FRMD4B: variants seen among roughly 807,000 people sequenced by gnomAD.
FRMD4B encodes FERM domain containing 4B.
FRMD4B carries 74 observed loss-of-function variants against 141.5 expected under a neutral mutation model. The observed-to-expected ratio is 0.52, with a 90% CI of 0.43 to 0.63. FRMD4B has a LOEUF of 0.63. Ranked by LOEUF, FRMD4B falls within the 30% of genes least tolerant of loss-of-function variation. The pLI is 0.00. For missense variants in FRMD4B, 1,366 were observed against 1,253.4 expected (o/e 1.09, Z -1.36); for synonymous variants, 506 against 467.9 (o/e 1.08, Z -1.05).
intron 5 of FRMD4B, among the ~76,000 whole-genome samples, chr3:69,267,620 T>C (rs1455044006): frequency 1.8e-4 from 6 of 33,596 alleles, no homozygotes; most frequent in Admixed American, 3.1e-4. Context: ...TATATATATA[T>C]ATATATATAT....
chr3:69,263,388 T>C (rs2093540519), intron 5 of FRMD4B, among the ~76,000 whole-genome samples: 1 of 147,316 alleles, frequency 6.8e-6, no homozygotes, highest in Non-Finnish European at 1.5e-5. Flanking sequence ...GTTTGCTAGT[T>C]ACATGCACTT....
At chr3:69,240,622 T>G (rs1265951111) in intron 7 of FRMD4B, among the ~76,000 whole-genome samples, 2 of 152,170 alleles carry the variant, frequency 1.3e-5, no homozygotes, top group African/African-American at 4.8e-5. Flanking sequence ...GAAAAATTAT[T>G]TATGGTCAAC....
intron 2 of FRMD4B, among the ~76,000 whole-genome samples, chr3:69,406,391 C>T (rs1458749869): frequency 1.3e-5 from 2 of 152,242 alleles, no homozygotes; most frequent in Non-Finnish European, 2.9e-5. Flanking sequence ...CATCTGGCTC[C>T]TCCCAGTTAA....
chr3:69,502,552 A>C (rs891410769), intron 1 of FRMD4B, among the ~76,000 whole-genome samples: 8 of 152,348 alleles, frequency 5.3e-5, no homozygotes, highest in African/African-American at 1.4e-4. Flanking sequence ...TAAAGACTTA[A>C]ATGTTAGAAC....
chr3:69,296,430 T>C (rs2107133133), intron 4 of FRMD4B, among the ~76,000 whole-genome samples: 1 of 152,014 alleles, frequency 6.6e-6, no homozygotes. Context: ...AGCTCTTGTG[T>C]GAATTAGGAT....
intron 1 of FRMD4B, chr3:69,471,663 G>T: frequency 5.7e-6 from 1 of 175,582 alleles, no homozygotes; most frequent in South Asian, 1.4e-4. Flanking sequence ...TCTAAATGAA[G>T]AGCATGTGAC....
intron 1 of FRMD4B, among the ~76,000 whole-genome samples, chr3:69,373,503 C>A (rs1703885240): frequency 6.6e-6 from 1 of 152,120 alleles, no homozygotes; most frequent in South Asian, 2.1e-4. Flanking sequence ...TATTTAACAT[C>A]ATTAGAAGAA....
At chr3:69,541,522 C>T (rs1701183630) in intron 1 of FRMD4B, among the ~76,000 whole-genome samples, 2 of 152,258 alleles carry the variant, frequency 1.3e-5, no homozygotes, top group South Asian at 4.2e-4. Flanking sequence ...AGGCACTGTT[C>T]AGTATCCTTC....
intron 1 of FRMD4B, among the ~76,000 whole-genome samples, chr3:69,488,891 TAAAAAAAAAAA>T (rs35778230): frequency 1.2e-5 from 1 of 82,204 alleles, no homozygotes; most frequent in South Asian, 5.0e-4. Context: ...AGACTCCATC[TAAAAAAAAAAA>T]AAAAAAAAAA....
At chr3:69,259,615 T>C (rs939328297) in intron 5 of FRMD4B, among the ~76,000 whole-genome samples, 2 of 152,236 alleles carry the variant, frequency 1.3e-5, no homozygotes, top group African/African-American at 4.8e-5. Context: ...TATAGTTCCA[T>C]AACATTTAAT....
intron 1 of FRMD4B, among the ~76,000 whole-genome samples, chr3:69,507,728 A>G (rs1487523004): frequency 6.6e-6 from 1 of 152,176 alleles, no homozygotes. Flanking sequence ...GAGGTCAAAA[A>G]TGGCCCAGGT....
Position 69,321,857 on chromosome 3 carries a change from G to A in FRMD4B, c.163-8340C>T, listed in dbSNP as rs555372099. Among the ~76,000 whole-genome samples, 5 of 152,224 alleles carry A rather than the reference G, an allele frequency of 3.3e-5. No homozygotes were observed. The East Asian group carries it at 9.7e-4, about 29-fold the overall frequency. ...AGCCTCCCGAATAGCTGGGACTATAGGCAAGTGCCACCACACCTGGCTAAT... is the reference window on the plus strand; with the variant it reads ...AGCCTCCCGAATAGCTGGGACTATAAGCAAGTGCCACCACACCTGGCTAAT... On this transcript the variant is annotated intron_variant, in intron 1 of 22. Transcript: ENST00000398540.
intron 5 of FRMD4B, among the ~76,000 whole-genome samples, chr3:69,277,610 C>T (rs1380452565): frequency 6.7e-6 from 1 of 150,084 alleles, no homozygotes; most frequent in African/African-American, 2.5e-5. Flanking sequence ...GCAACCTCCG[C>T]CTCCCAAGTT....
chr3:69,238,934 A>T (rs2093363730), intron 7 of FRMD4B, among the ~76,000 whole-genome samples: 1 of 152,240 alleles, frequency 6.6e-6, no homozygotes, highest in Non-Finnish European at 1.5e-5. Context: ...GATCTGGGTT[A>T]GAGTTGGCAG....
chr3:69,522,540 G>T (rs1324198547), intron 1 of FRMD4B, among the ~76,000 whole-genome samples: 2 of 152,140 alleles, frequency 1.3e-5, no homozygotes, highest in African/African-American at 4.8e-5. Context: ...AGGAAGCAAA[G>T]AAGTGGAGTT....
chr3:69,316,909 G>T (rs187486879), intron 1 of FRMD4B, among the ~76,000 whole-genome samples: 11 of 152,282 alleles, frequency 7.2e-5, no homozygotes, highest in Admixed American at 7.2e-4. Context: ...ATGACCTGAG[G>T]TCAGGAGTTC....
chr3:69,331,097 T>C (rs1325051391), intron 1 of FRMD4B, among the ~76,000 whole-genome samples: 1 of 152,196 alleles, frequency 6.6e-6, no homozygotes, highest in Non-Finnish European at 1.5e-5. Flanking sequence ...ACCAAATATT[T>C]TCCCCCGTGT....
At chr3:69,388,481 C>T (rs1704316231), upstream of FRMD4B, among the ~76,000 whole-genome samples, 1 of 152,020 alleles carries the variant, frequency 6.6e-6, no homozygotes, top group Non-Finnish European at 1.5e-5. Context: ...TTTCAGTTGG[C>T]CTCTGGAGGA....
At position 69,299,500 on chromosome 3, in the gene FRMD4B, A is replaced by G. The variant is rs187639677; in HGVS notation, c.416+2843T>C. Among the ~76,000 whole-genome samples the G allele has an allele frequency of 2.0e-3, 304 of 152,300 alleles. 8 individuals are homozygous for G. Among genetic ancestry groups the G allele is most frequent in the Non-Finnish European group, 2.4e-4 (16 of 68,034 alleles). On this transcript the variant is annotated intron_variant, in intron 4 of 22. Transcript: ENST00000398540. ...TGCACCCCTCCCTCCATGGCATTAT[A>G]TCAGAATCTGGGCCAGGAACGTGGA...
Sources: allele counts gnomAD v4.1 joint callset (sites outside exome capture counted in the v4.1 genomes callset), GRCh38; gene constraint gnomAD v4.1.1; transcripts MANE v1.5; gene names NCBI Gene and HGNC (gene_info 2026-07-23, HGNC 2026-07-21).